Variants in CLMN observed in about 807,000 individuals in gnomAD.
CLMN encodes calmin, also known as calmin (calponin-like, transmembrane).
CLMN carries 57 observed loss-of-function variants against 92.7 expected under a neutral mutation model. The observed-to-expected ratio is 0.61, with a 90% CI of 0.50 to 0.77. The LOEUF (loss-of-function observed/expected upper bound fraction) is 0.77. Among genes scored for constraint, CLMN ranks in the 30% least tolerant of loss-of-function variants. CLMN has a pLI of 0.00. For synonymous variants in CLMN, 466 were observed against 470.6 expected (o/e 0.99, Z 0.13); for missense variants, 1,158 against 1,237.5 (o/e 0.94, Z 0.96).
chr14:95,279,633 A>G (rs527460932), intron 1 of CLMN, among the ~76,000 whole-genome samples: 1 of 152,336 alleles, frequency 6.6e-6, no homozygotes, highest in East Asian at 1.9e-4. Flanking sequence ...AATACAAAAA[A>G]TTAGCCAGAC....
At chr14:95,257,384 A>C (rs758457227) in intron 1 of CLMN, among the ~76,000 whole-genome samples, 7 of 152,246 alleles carry the variant, frequency 4.6e-5, no homozygotes, top group Non-Finnish European at 1.0e-4. Context: ...CTGTAAATGA[A>C]GGTGTCTATT....
intron 2 of CLMN, among the ~76,000 whole-genome samples, chr14:95,229,854 C>T (rs1408047849): frequency 2.6e-5 from 4 of 152,038 alleles, no homozygotes; most frequent in Admixed American, 2.0e-4. Flanking sequence ...TCTTTCCTTC[C>T]CCTGATAAGA....
chr14:95,272,791 G>T (rs1045287765), intron 1 of CLMN, among the ~76,000 whole-genome samples: 1 of 152,192 alleles, frequency 6.6e-6, no homozygotes, highest in African/African-American at 2.4e-5. Context: ...TAAAATAATT[G>T]TAAGTTGTTT....
intron 1 of CLMN, among the ~76,000 whole-genome samples, chr14:95,270,713 T>C (rs1456457287): frequency 1.3e-5 from 2 of 152,236 alleles, no homozygotes; most frequent in Non-Finnish European, 2.9e-5. Context: ...CACCAGTTGA[T>C]AGATGTTGGG....
At chr14:95,245,212 A>ATATATATATATAATATATATATAT (rs1898455499) in intron 1 of CLMN, among the ~76,000 whole-genome samples, 3 of 30,990 alleles carry the variant, frequency 9.7e-5, no homozygotes, top group African/African-American at 5.8e-4. Context: ...TATATATTAT[A>ATATATATATATAATATATATATAT]TATATATATA....
intron 1 of CLMN, among the ~76,000 whole-genome samples, chr14:95,245,223 T>TA (rs1898466290): frequency 2.9e-5 from 1 of 33,900 alleles, no homozygotes; most frequent in Non-Finnish European, 4.5e-5. Flanking sequence ...TATATATATA[T>TA]ATTATATATA....
chr14:95,295,407 G>T (rs907877112), intron 1 of CLMN, among the ~76,000 whole-genome samples: 1 of 152,200 alleles, frequency 6.6e-6, no homozygotes, highest in African/African-American at 2.4e-5. Flanking sequence ...TGAGTAAGAC[G>T]CAGGCTCTCC....
chr14:95,284,683 T>C (rs1900272501), intron 1 of CLMN, among the ~76,000 whole-genome samples: 1 of 152,140 alleles, frequency 6.6e-6, no homozygotes, highest in Non-Finnish European at 1.5e-5. Flanking sequence ...ACCCCTTTTT[T>C]TGGCCAATTT....
At chr14:95,213,675 C>G (rs1417142581) in intron 5 of CLMN, among the ~76,000 whole-genome samples, 8 of 152,126 alleles carry the variant, frequency 5.3e-5, no homozygotes. Context: ...CAGCTCCAGC[C>G]AGCACTTCAC....
At chr14:95,211,074 A>G (rs1195308489) in intron 6 of CLMN, among the ~76,000 whole-genome samples, 195 bp from the exon 7 acceptor site, 1 of 152,216 alleles carries the variant, frequency 6.6e-6, no homozygotes, top group Non-Finnish European at 1.5e-5. Flanking sequence ...GCCAAATGGA[A>G]TAGGAGGGTA....
At chr14:95,202,750 T>C in intron 9 of CLMN, 88 bp downstream of exon 9, 3 of 1,379,498 alleles carry the variant, frequency 2.2e-6, no homozygotes, top group Non-Finnish European at 2.9e-6. Context: ...TCATCGCTAT[T>C]TTATGGAGCA....
At chr14:95,217,263 C>G (rs1897380345) in intron 4 of CLMN, among the ~76,000 whole-genome samples, 1 of 152,198 alleles carries the variant, frequency 6.6e-6, no homozygotes, top group Admixed American at 6.5e-5. Flanking sequence ...AAACCTTTTT[C>G]TTTTTCCTCT....
At chr14:95,295,159 A>G (rs762408344) in intron 1 of CLMN, among the ~76,000 whole-genome samples, 1 of 152,154 alleles carries the variant, frequency 6.6e-6, no homozygotes, top group Non-Finnish European at 1.5e-5. Context: ...CCCTATAATA[A>G]GCTCGATGCA....
In CLMN at chr14:95,196,638, C is replaced by A. The variant is rs142393118; in HGVS notation, c.2568G>T (p.Thr856=). ...TTTTTTTACTACTGATTGATTCTTT[C>A]GTTACATTTTCTTCTAGGGGGTTTG... ...NIANPLEENV[T]KESISSKKKE... Residue 856 remains threonine, a synonymous_variant, in exon 10 of 13, where the codon ACG becomes ACT. Transcript: ENST00000298912. 3.4e-4 allele frequency: 548 copies of A among 1,613,946 alleles called. 1 individual carries two copies. Among genetic ancestry groups the A allele is most frequent in the Non-Finnish European group, 2.0e-4 (241 of 1,179,996 alleles).
At chr14:95,244,255 C>G (rs1183654474) in intron 1 of CLMN, among the ~76,000 whole-genome samples, 1 of 152,228 alleles carries the variant, frequency 6.6e-6, no homozygotes, top group East Asian at 1.9e-4. Flanking sequence ...GTCATCAAGG[C>G]AGTCAGCCAG....
intron 3 of CLMN, chr14:95,222,730 T>G: frequency 2.5e-6 from 1 of 395,144 alleles, no homozygotes; most frequent in Non-Finnish European, 5.0e-6. Context: ...TGAGAGTTCA[T>G]CACTGAATAC....
At chr14:95,239,345 A>G (rs1391341574) in intron 1 of CLMN, among the ~76,000 whole-genome samples, 1 of 152,186 alleles carries the variant, frequency 6.6e-6, no homozygotes, top group East Asian at 1.9e-4. Flanking sequence ...GGAGATGGGT[A>G]AGAAAATGAA....
intron 1 of CLMN, among the ~76,000 whole-genome samples, chr14:95,319,214 C>A (rs1406706829): frequency 2.0e-5 from 3 of 152,128 alleles, no homozygotes; most frequent in African/African-American, 7.2e-5. Flanking sequence ...GATCCGCACC[C>A]CTGGCCCCGC....
intron 2 of CLMN, 71 bp from the exon 3 acceptor site, chr14:95,223,926 A>C: frequency 9.1e-7 from 1 of 1,093,336 alleles, no homozygotes; most frequent in Non-Finnish European, 1.4e-6. Context: ...TCAGAGATGC[A>C]GCTTTCTGCT....
Sources: gnomAD v4.1 joint callset for allele counts (sites outside exome capture counted in the v4.1 genomes callset) on GRCh38, gnomAD v4.1.1 for gene constraint, MANE v1.5 for transcripts, NCBI Gene and HGNC (gene_info 2026-07-23, HGNC 2026-07-21) for gene names.